ZC3H4: variants seen among roughly 807,000 people sequenced by gnomAD.
ZC3H4 encodes the protein zinc finger CCCH-type containing 4, also known as zinc finger CCCH domain-containing protein 4.
Under a neutral mutation model 108.3 loss-of-function variants are expected in ZC3H4, and 13 were observed. That is an observed-to-expected ratio of 0.12 (90% CI 0.08 to 0.19). The LOEUF (loss-of-function observed/expected upper bound fraction) is 0.19. Ranked by LOEUF, ZC3H4 falls within the 10% of genes least tolerant of loss-of-function variation. The probability of loss-of-function intolerance (pLI) is 1.00; values close to 1 mark genes in which losing one functional copy is unlikely to be tolerated. For missense variants in ZC3H4, 1,734 were observed against 1,838.8 expected (o/e 0.94, Z 1.04); for synonymous variants, 917 against 749.6 (o/e 1.22, Z -3.65).
rs2057332682 is a variant in ZC3H4 at position 47,071,900 on chromosome 19, C to T, written c.2024G>A (p.Gly675Asp). The T allele has an allele frequency of 6.2e-7, 1 of 1,612,238 alleles. No homozygotes were observed. Among genetic ancestry groups the T allele is most frequent in the South Asian group, 1.1e-5 (1 of 90,826 alleles). ...GPGGPPMMPY[G>D]PGDSPHSGMM... ...TCCAGAATGTGGGGAGTCTCCAGGG[C>T]CGTAGGGCATCATTGGAGGGCCGCC... Residue 675 changes from glycine (G) to aspartate (D), a missense_variant, in exon 13 of 15, where the codon GGC (glycine) becomes GAC (aspartate). By Grantham distance (94) the Gly-to-Asp change is moderately conservative. Coordinates refer to ENST00000253048, the MANE Select transcript of ZC3H4 (RefSeq NM_015168.2).
At position 47,069,210 on chromosome 19, in the gene ZC3H4, G is replaced by A. The variant is rs759986576; in HGVS notation, c.2280C>T (p.Asp760=). 2.5e-6 allele frequency: 4 copies of A among 1,612,638 alleles called. No homozygotes were observed. The highest frequency in any genetic ancestry group is 2.2e-5 in the South Asian group (2 of 91,088). ...GGGCCCTCTGGGCTGAGGGCAGGAA[G>A]TCAGGGACACCGGCGCCTGGCTTCG... ...GRPKPGAGVP[D]FLPSAQRALY... Residue 760 remains aspartate, a synonymous_variant, in exon 14 of 15, where the codon GAC becomes GAT. Transcript: ENST00000253048.
intron 8 of ZC3H4, 34 bp from the exon 9 acceptor site, chr19:47,084,489 T>C (rs2057581066): frequency 1.2e-6 from 2 of 1,607,774 alleles, no homozygotes; most frequent in East Asian, 2.2e-5. Flanking sequence ...TAAAGGGGAA[T>C]GAAAGGGAAG....
chr19:47,066,076 A>G lies in ZC3H4; in HGVS notation c.*280T>C. 3.3e-6 allele frequency: 1 copy of G among 305,806 alleles called. No homozygotes were observed. The highest frequency in any genetic ancestry group is 6.0e-6 in the Non-Finnish European group (1 of 166,434). The allele number at this position is 305,806 out of a possible 1,614,324, so 18.9% of individuals were successfully genotyped here. On this transcript the variant is annotated 3_prime_UTR_variant, in exon 15 of 15. Coordinates refer to ENST00000253048, the MANE Select transcript of ZC3H4 (RefSeq NM_015168.2). Reference sequence around the variant, plus strand: ...GAGCCCACAGAGTCTGAGGCCAGGCACTGGCGAAAGTTCACAGGTTTGCGG... The same window carrying G: ...GAGCCCACAGAGTCTGAGGCCAGGCGCTGGCGAAAGTTCACAGGTTTGCGG...
Position 47,086,508 on chromosome 19 carries a change from C to T in ZC3H4, c.746G>A (p.Gly249Asp), listed in dbSNP as rs775874598. ...TCGCGATCCTCCACGGCTTCCTCGG[C>T]CCCTGTAGCCCCGGCCCCGGCCTCG... The part of the protein sequence containing the change: ...GSRGRGRGYR[G>D]RGSRGGSRGR... Residue 249 changes from glycine to aspartate, a missense_variant, in exon 6 of 15, where the codon GGC (glycine) becomes GAC (aspartate). This residue lies in a region of ZC3H4 where 403 missense variants were observed against 457.0 expected (regional missense o/e 0.88). Coordinates refer to ENST00000253048, the MANE Select transcript of ZC3H4 (RefSeq NM_015168.2). 1 of 1,602,188 alleles carries T rather than the reference C, an allele frequency of 6.2e-7. No individual in the cohort carries two copies. Among genetic ancestry groups the T allele is most frequent in the Non-Finnish European group, 8.5e-7 (1 of 1,177,572 alleles).
rs147610347 is a variant in ZC3H4 at position 47,069,668 on chromosome 19, G to A, written c.2147-325C>T. On this transcript the variant is annotated intron_variant, in intron 13 of 14. Coordinates refer to ENST00000253048, the MANE Select transcript of ZC3H4 (RefSeq NM_015168.2). Reference sequence around the variant, plus strand: ...ACAGAAACAGTCCCTCTGGAACACAGATTCTGGAGAGGCCAGGGATTTCTG... The same window carrying A: ...ACAGAAACAGTCCCTCTGGAACACAAATTCTGGAGAGGCCAGGGATTTCTG... 2.8e-4 allele frequency among the ~76,000 whole-genome samples: 42 copies of A among 152,360 alleles called. No individual in the cohort carries two copies. The East Asian group carries it at 7.7e-3, about 28-fold the overall frequency.
At chr19:47,084,319 G>T (rs1339908529) in intron 9 of ZC3H4, 26 bp downstream of exon 9, 1 of 1,611,006 alleles carries the variant, frequency 6.2e-7, no homozygotes, top group East Asian at 2.2e-5. Flanking sequence ...GCCTCCTAGA[G>T]GTGCCCAGCT....
At chr19:47,112,799 G>A (rs1477801490) in intron 1 of ZC3H4, among the ~76,000 whole-genome samples, 1 of 152,106 alleles carries the variant, frequency 6.6e-6, no homozygotes. Flanking sequence ...CACCCTTGCG[G>A]TCACTCGCTC....
At chr19:47,080,829 T>C (rs2057508331) in intron 11 of ZC3H4, among the ~76,000 whole-genome samples, 1 of 152,164 alleles carries the variant, frequency 6.6e-6, no homozygotes, top group African/African-American at 2.4e-5. Context: ...AATGAGGTTT[T>C]GCCATGTTGG....
In ZC3H4 at chr19:47,066,933, TC is replaced by T; in HGVS notation, c.3334del (p.Asp1112MetfsTer32). Reference sequence around the variant, plus strand: ...GGGAGCGGTGGCTGGTGGGGAGGCATCCCCACTCGGGCTGGCGGTGGGAGAG... The same window carrying T: ...GGGAGCGGTGGCTGGTGGGGAGGCATCCCACTCGGGCTGGCGGTGGGAGAG... ...APSPTASPSG[D>X]ASPPATAPYD... On this transcript the variant is annotated frameshift_variant, in exon 15 of 15. Coordinates refer to ENST00000253048, the MANE Select transcript of ZC3H4 (RefSeq NM_015168.2). LOFTEE classifies it high-confidence loss of function. 6.3e-7 allele frequency: 1 copy of T among 1,596,052 alleles called. No individual in the cohort carries two copies. Among genetic ancestry groups the T allele is most frequent in the East Asian group, 2.2e-5 (1 of 44,492 alleles).
In ZC3H4 at chr19:47,067,334, G is replaced by C. The variant is rs369766078; in HGVS notation, c.2934C>G (p.Leu978=). ...GGGGGATCAGGTCCTCGGGATTCCA[G>C]AGCACGGTGCGGGCGAAGCTGGGCT... ...LSKPSFARTV[L]WNPEDLIPLP... is the part of the protein sequence containing the mutation. Residue 978 remains leucine (L), a synonymous_variant, in exon 15 of 15, where the codon CTC becomes CTG. Coordinates refer to ENST00000253048, the MANE Select transcript of ZC3H4 (RefSeq NM_015168.2). The surrounding 1 kb of genome is among the most constrained non-coding windows in gnomAD (Gnocchi z 6.4). 2.2e-5 allele frequency: 36 copies of C among 1,601,214 alleles called. No homozygotes were observed. Among genetic ancestry groups the C allele is most frequent in the African/African-American group, 2.1e-4 (16 of 74,684 alleles).
chr19:47,083,259 A>C (rs973533626), intron 9 of ZC3H4, among the ~76,000 whole-genome samples: 1 of 148,914 alleles, frequency 6.7e-6, no homozygotes. Context: ...GCGAGATCAC[A>C]CCACTGCACT....
rs2057912304 is a variant in ZC3H4 at position 47,102,185 on chromosome 19, A to G, written c.162-7577T>C. ...GCCTCCACACTCCTCACCAAGGCCT[A>G]AACAGGCTCAGAGACAAGAAGGAAT... On this transcript the variant is annotated intron_variant, in intron 2 of 14. Transcript: ENST00000253048. 5.3e-5 allele frequency among the ~76,000 whole-genome samples: 8 copies of G among 152,250 alleles called. No homozygotes were observed. In the South Asian group the frequency reaches 1.4e-3, roughly 28 times the overall value.
At position 47,066,218 on chromosome 19, in the gene ZC3H4, GA is replaced by G. The variant is rs1279944898; in HGVS notation, c.*137del. On this transcript the variant is annotated 3_prime_UTR_variant, in exon 15 of 15. Coordinates refer to ENST00000253048, the MANE Select transcript of ZC3H4 (RefSeq NM_015168.2). ...AGTACTACTTTAAAAAAAAATAAAA[GA>G]GACGGAAAGCAAAAGAAAAAGAAAA... 2 of 632,688 alleles carry G rather than the reference GA, an allele frequency of 3.2e-6. No homozygotes were observed. The highest frequency in any genetic ancestry group is 5.0e-6 in the Non-Finnish European group (2 of 401,660). The allele number at this position is 632,688 out of a possible 1,614,324, so 39.2% of individuals were successfully genotyped here.
At chr19:47,111,501 G>A (rs1251802259) in intron 2 of ZC3H4, among the ~76,000 whole-genome samples, 4 of 151,994 alleles carry the variant, frequency 2.6e-5, no homozygotes, top group Non-Finnish European at 4.4e-5. Context: ...GAAAGCGCGG[G>A]ACCAACTTCC....
chr19:47,079,411 A>C (rs1334838218), intron 11 of ZC3H4, among the ~76,000 whole-genome samples: 1 of 150,722 alleles, frequency 6.6e-6, no homozygotes, highest in Non-Finnish European at 1.5e-5. Context: ...TGGCTACTGG[A>C]AAATTTTAAA....
rs1345112774 is a variant in ZC3H4 at position 47,067,708 on chromosome 19, G to C, written c.2560C>G (p.Pro854Ala). The change falls in exon 15 of 15, where the codon CCC (proline) becomes GCC (alanine). Residue 854 changes from proline (P) to alanine (A), a missense_variant. By Grantham distance (27) the Pro-to-Ala change is conservative. Transcript: ENST00000253048. The surrounding 1 kb of genome is among the most constrained non-coding windows in gnomAD (Gnocchi z 6.4). ...GGGTCAGCCAGCCGGCTTCCTGTGG[G>C]GTGTCCCTTCTGGAGGCGGGGGTCC... ...LGDPRLQKGHPTGSRLADPRL... is the reference protein window; with the variant it reads ...LGDPRLQKGHATGSRLADPRL... The C allele has an allele frequency of 1.2e-6, 2 of 1,605,564 alleles. No individual in the cohort carries two copies. The highest frequency in any genetic ancestry group is 2.2e-5 in the East Asian group (1 of 44,762).
chr19:47,104,105 G>A (rs972838172), intron 2 of ZC3H4, among the ~76,000 whole-genome samples: 1 of 152,050 alleles, frequency 6.6e-6, no homozygotes, highest in African/African-American at 2.4e-5. Flanking sequence ...GATCACCTGA[G>A]GTCAGTAGTT....
intron 4 of ZC3H4, among the ~76,000 whole-genome samples, chr19:47,090,503 G>A (rs1044638364): frequency 3.9e-5 from 6 of 152,208 alleles, no homozygotes; most frequent in Non-Finnish European, 7.3e-5. Flanking sequence ...GCAAGCGCAC[G>A]TGGAGGGGCC....
intron 2 of ZC3H4, among the ~76,000 whole-genome samples, chr19:47,097,586 T>C (rs972244611): frequency 6.6e-6 from 1 of 152,136 alleles, no homozygotes; most frequent in African/African-American, 2.4e-5. Context: ...TCGAGCCAAA[T>C]GGGAATCCCG....
Sources: allele counts gnomAD v4.1 joint callset (sites outside exome capture counted in the v4.1 genomes callset), GRCh38; gene constraint gnomAD v4.1.1; regional missense constraint gnomAD v4.1.1; non-coding constraint Gnocchi (gnomAD v3.1); transcripts MANE v1.5; gene names NCBI Gene and HGNC (gene_info 2026-07-23, HGNC 2026-07-21).